APPL1: variants seen among roughly 807,000 people sequenced by gnomAD.
The protein encoded by APPL1 is DCC-interacting protein 13-alpha.
APPL1 carries 42 observed loss-of-function variants against 106.8 expected under a neutral mutation model. That is an observed-to-expected ratio of 0.39 (90% CI 0.31 to 0.51). The LOEUF is 0.51. APPL1 is among the 20% of genes least tolerant of loss of function. The pLI is 0.75. For missense variants in APPL1, 769 were observed against 858.2 expected (o/e 0.90, Z 1.30); for synonymous variants, 263 against 281.8 (o/e 0.93, Z 0.67).
At chr3:57,255,727 T>C (rs1245638873) in intron 13 of APPL1, among the ~76,000 whole-genome samples, 1 of 152,180 alleles carries the variant, frequency 6.6e-6, no homozygotes. Flanking sequence ...GCTTTTGCTT[T>C]TAGTAATTTG....
chr3:57,261,151 A>G (rs571136763), intron 19 of APPL1, among the ~76,000 whole-genome samples: 4 of 151,960 alleles, frequency 2.6e-5, no homozygotes, highest in Non-Finnish European at 5.9e-5. Flanking sequence ...CTGTCATTCC[A>G]CACTCTGCCT....
At chr3:57,239,307 TCAGCCCTTGTCAAC>T (rs891579801) in intron 4 of APPL1, among the ~76,000 whole-genome samples, 1 of 152,116 alleles carries the variant, frequency 6.6e-6, no homozygotes, top group African/African-American at 2.4e-5. Flanking sequence ...CCCTGCTCCC[TCAGCCCTTGTCAAC>T]CACTAATCTT....
At chr3:57,260,189 C>G (rs1358527460) in intron 18 of APPL1, 36 bp downstream of exon 18, 2 of 1,582,254 alleles carry the variant, frequency 1.3e-6, no homozygotes, top group Admixed American at 1.8e-5. Context: ...GTTTTAGGTC[C>G]CTTTGTATAT....
chr3:57,235,704 A>G, intron 2 of APPL1, 40 bp downstream of exon 2: 1 of 1,452,222 alleles, frequency 6.9e-7, no homozygotes, highest in African/African-American at 1.4e-5. Context: ...TTAAAACACG[A>G]ATCTTTAAGC....
chr3:57,247,329 A>G (rs2060779322), intron 8 of APPL1, 66 bp from the exon 9 acceptor site: 11 of 876,886 alleles, frequency 1.3e-5, no homozygotes, highest in African/African-American at 1.7e-5. Context: ...TGTTTATATG[A>G]TTTACTTTAA....
chr3:57,230,372 G>T (rs1021730386), intron 1 of APPL1, among the ~76,000 whole-genome samples: 2 of 151,934 alleles, frequency 1.3e-5, no homozygotes, highest in Admixed American at 6.6e-5. Flanking sequence ...GTCCAGAAAA[G>T]AATAACACAC....
rs571928039 is a variant in APPL1 at position 57,260,468 on chromosome 3, A to G, written c.1696-160A>G. 5.2e-4 allele frequency: 334 copies of G among 648,310 alleles called. 2 individuals are homozygous for G. Among genetic ancestry groups the G allele is most frequent in the Non-Finnish European group, 2.3e-4 (97 of 430,186 alleles). 40.2% of individuals were successfully genotyped at this position (648,310 alleles called of 1,614,324 possible). ...TTTTCTGCTTGTTAATTCAAACCAA[A>G]TATGACATTACTTGTTTCTGCATTA... On this transcript the variant is annotated intron_variant, in intron 18 of 21. Transcript: ENST00000288266.
In APPL1 at chr3:57,272,406, A is replaced by T. The variant is rs1002743922; in HGVS notation, c.*2719A>T. 3.3e-5 allele frequency: 5 copies of T among 152,172 alleles called. No homozygotes were observed. Among genetic ancestry groups the T allele is most frequent in the African/African-American group, 1.2e-4 (5 of 41,434 alleles). 9.4% of individuals were successfully genotyped at this position (152,172 alleles called of 1,614,324 possible). ...AGGCTCTACAATCTAGGGGTGGTAA[A>T]TGTGTTTCCACTATACTTGGGAAAA... On this transcript the variant is annotated 3_prime_UTR_variant, in exon 22 of 22. Coordinates refer to ENST00000288266, the MANE Select transcript of APPL1 (RefSeq NM_012096.3).
intron 1 of APPL1, among the ~76,000 whole-genome samples, chr3:57,230,187 C>T (rs1295204270): frequency 1.3e-5 from 2 of 152,144 alleles, no homozygotes; most frequent in South Asian, 4.1e-4. Flanking sequence ...GAATGCAAAG[C>T]CTTGGATCTA....
At chr3:57,264,075 C>T (rs1375766718) in intron 19 of APPL1, among the ~76,000 whole-genome samples, 1 of 152,108 alleles carries the variant, frequency 6.6e-6, no homozygotes, top group African/African-American at 2.4e-5. Flanking sequence ...TGCTATAAGC[C>T]ATTTTAACTG....
At chr3:57,230,442 T>G (rs1306602445) in intron 1 of APPL1, among the ~76,000 whole-genome samples, 2 of 149,518 alleles carry the variant, frequency 1.3e-5, no homozygotes, top group Non-Finnish European at 3.0e-5. Flanking sequence ...TATTCTACTG[T>G]TTTTTTTTTC....
At chr3:57,247,650 A>G (rs1318193663) in intron 9 of APPL1, among the ~76,000 whole-genome samples, 173 bp downstream of exon 9, 1 of 151,810 alleles carries the variant, frequency 6.6e-6, no homozygotes, top group African/African-American at 2.4e-5. Context: ...TCTTTTTTCC[A>G]CAGATTGTGA....
intron 11 of APPL1, among the ~76,000 whole-genome samples, chr3:57,250,804 C>CTTTTTTTT (rs71088045): frequency 4.3e-4 from 47 of 110,268 alleles, no homozygotes; most frequent in Non-Finnish European, 6.2e-4. Context: ...AACTTTCTTT[C>CTTTTTTTT]TTTTTTTTTT....
At chr3:57,258,472 C>G (rs1268013953) in intron 15 of APPL1, among the ~76,000 whole-genome samples, 1 of 152,190 alleles carries the variant, frequency 6.6e-6, no homozygotes, top group Non-Finnish European at 1.5e-5. Flanking sequence ...CCAAAACCTA[C>G]TTTGAGTTGT....
At chr3:57,243,849 G>C (rs978496681) in intron 7 of APPL1, among the ~76,000 whole-genome samples, 1 of 152,078 alleles carries the variant, frequency 6.6e-6, no homozygotes, top group African/African-American at 2.4e-5. Flanking sequence ...AAAACACTCT[G>C]TCACCAACTT....
intron 7 of APPL1, 51 bp from the exon 8 acceptor site, chr3:57,246,025 G>A (rs1411477287): frequency 2.2e-6 from 3 of 1,367,256 alleles, no homozygotes; most frequent in Non-Finnish European, 2.9e-6. Flanking sequence ...ACAAAATTAA[G>A]TAAATAATAG....
chr3:57,244,623 T>C (rs1372127780), intron 7 of APPL1, among the ~76,000 whole-genome samples: 3 of 152,028 alleles, frequency 2.0e-5, no homozygotes, highest in African/African-American at 7.2e-5. Flanking sequence ...ATAAAGGAAA[T>C]GTTAGGAGAT....
chr3:57,265,147 T>G (rs989050091), intron 19 of APPL1, among the ~76,000 whole-genome samples: 1 of 144,538 alleles, frequency 6.9e-6, no homozygotes, highest in Non-Finnish European at 1.6e-5. Flanking sequence ...TAGTTTTTTG[T>G]TTTTTTTGTT....
rs772291607 is a variant in APPL1 at position 57,260,079 on chromosome 3, T to A, written c.1659-38T>A. ...AAACATTTACATGATTTCAGCCTAATTAAAATTTGTTTTCCAATTTTTAAA... is the reference window on the plus strand; with the variant it reads ...AAACATTTACATGATTTCAGCCTAAATAAAATTTGTTTTCCAATTTTTAAA... On this transcript the variant is annotated intron_variant, in intron 17 of 21. Transcript: ENST00000288266. The A allele has an allele frequency of 2.5e-6, 4 of 1,605,526 alleles. No homozygotes were observed. In the Admixed American group the frequency reaches 5.2e-5, roughly 21 times the overall value.
Sources: gnomAD v4.1 joint callset for allele counts (sites outside exome capture counted in the v4.1 genomes callset) on GRCh38, gnomAD v4.1.1 for gene constraint, MANE v1.5 for transcripts, NCBI Gene and HGNC (gene_info 2026-07-23, HGNC 2026-07-21) for gene names.